The following NFIB variants were observed in gnomAD, a reference collection of about 807,000 sequenced individuals.
The protein encoded by NFIB is nuclear factor 1 B-type.
NFIB carries 11 observed loss-of-function variants against 61.5 expected under a neutral mutation model. The observed-to-expected ratio is 0.18, with a 90% confidence interval of 0.11 to 0.30. The LOEUF (loss-of-function observed/expected upper bound fraction) is 0.30, where lower values mean the gene tolerates loss of function less well. Among genes scored for constraint, NFIB ranks in the 10% least tolerant of loss-of-function variants. The pLI, the probability that NFIB is intolerant of heterozygous loss-of-function variation, is 1.00. For synonymous variants in NFIB, 260 were observed against 216.5 expected (o/e 1.20, Z -1.76); for missense variants, 471 against 608.9 (o/e 0.77, Z 2.38).
chr9:14,517,195 T>G, the NFIB span, among the ~76,000 whole-genome samples: 83 of 152,262 alleles, frequency 5.5e-4, no homozygotes, highest in Admixed American at 2.0e-3. Flanking sequence ...TAATCATCAC[T>G]CCAAGGCCCA....
intron 2 of NFIB, among the ~76,000 whole-genome samples, chr9:14,302,976 A>G (rs1341843476): frequency 1.3e-5 from 2 of 152,202 alleles, no homozygotes; most frequent in African/African-American, 4.8e-5. Flanking sequence ...TGATTTTCCC[A>G]GTGTACAAAA....
chr9:14,216,055 G>A (rs2050822123), intron 2 of NFIB, among the ~76,000 whole-genome samples: 1 of 152,068 alleles, frequency 6.6e-6, no homozygotes, highest in Non-Finnish European at 1.5e-5. Flanking sequence ...CAATTCTATT[G>A]CATACAGTAG....
At chr9:14,346,135 G>A (rs1481934818) in intron 1 of NFIB, among the ~76,000 whole-genome samples, 1 of 152,150 alleles carries the variant, frequency 6.6e-6, no homozygotes, top group Non-Finnish European at 1.5e-5. Flanking sequence ...GGGCGCGGGG[G>A]GCGCGTGGGG....
At chr9:14,244,536 T>C (rs1293054672) in intron 2 of NFIB, among the ~76,000 whole-genome samples, 1 of 152,160 alleles carries the variant, frequency 6.6e-6, no homozygotes, top group East Asian at 1.9e-4. Context: ...ATAACTTTAA[T>C]CTCCACAATC....
the NFIB span, among the ~76,000 whole-genome samples, chr9:14,478,691 T>G: frequency 2.8e-4 from 43 of 152,336 alleles, no homozygotes; most frequent in African/African-American, 1.0e-3. Flanking sequence ...TATTACTCCA[T>G]AGTGTATTAT....
chr9:14,417,035 T>C, the NFIB span, among the ~76,000 whole-genome samples: 1 of 150,904 alleles, frequency 6.6e-6, no homozygotes, highest in Non-Finnish European at 1.5e-5. Flanking sequence ...TGGGATTACA[T>C]GTGTGTGTCA....
At chr9:14,224,068 A>C (rs1235909879) in intron 2 of NFIB, among the ~76,000 whole-genome samples, 3 of 152,156 alleles carry the variant, frequency 2.0e-5, no homozygotes, top group Non-Finnish European at 4.4e-5. Context: ...CAAACAGTAA[A>C]ATGTCCCTCG....
chr9:14,414,127 C>G, the NFIB span, among the ~76,000 whole-genome samples: 1 of 152,112 alleles, frequency 6.6e-6, no homozygotes, highest in African/African-American at 2.4e-5. Context: ...TTCATAATCT[C>G]TAGACATAAT....
At chr9:14,266,503 G>C (rs2057211880) in intron 2 of NFIB, among the ~76,000 whole-genome samples, 1 of 152,066 alleles carries the variant, frequency 6.6e-6, no homozygotes. Flanking sequence ...GCTGAGGCAG[G>C]AGGATTTCAC....
At chr9:14,160,753 C>T (rs1261607851) in intron 3 of NFIB, among the ~76,000 whole-genome samples, 5 of 139,300 alleles carry the variant, frequency 3.6e-5, no homozygotes, top group South Asian at 4.7e-4. Context: ...AGGAAACTTT[C>T]ATCTTACAGA....
intron 2 of NFIB, among the ~76,000 whole-genome samples, chr9:14,274,373 C>T (rs1447707867): frequency 6.6e-6 from 1 of 151,858 alleles, no homozygotes; most frequent in African/African-American, 2.4e-5. Context: ...GGCAGCCGTG[C>T]CAAAATTACA....
intron 1 of NFIB, among the ~76,000 whole-genome samples, chr9:14,344,428 G>C (rs1293978736): frequency 6.6e-6 from 1 of 152,008 alleles, no homozygotes; most frequent in East Asian, 1.9e-4. Context: ...GGTAGAGGGA[G>C]TTGTTTGTTT....
In NFIB at chr9:14,232,107, T is replaced by A. The variant is rs138745202; in HGVS notation, c.563-52327A>T. ...TTTTGTTGTTGTTCTGTTTTTGATT[T>A]TTAATGAGTTAAAGGTGTAGCGAGG... On this transcript the variant is annotated intron_variant, in intron 2 of 10. Coordinates refer to ENST00000380953, the MANE Select transcript of NFIB (RefSeq NM_001190737.2). Among the ~76,000 whole-genome samples the A allele has an allele frequency of 2.5e-3, 385 of 152,322 alleles. 4 individuals are homozygous for A. The highest frequency in any genetic ancestry group is 4.1e-3 in the Non-Finnish European group (278 of 68,028).
the NFIB span, among the ~76,000 whole-genome samples, chr9:14,490,275 T>C: frequency 5.3e-5 from 8 of 152,122 alleles, no homozygotes; most frequent in South Asian, 1.2e-3. Flanking sequence ...TCTGGGATAA[T>C]TGATTATCTA....
the NFIB span, among the ~76,000 whole-genome samples, chr9:14,441,135 A>T: frequency 4.8e-5 from 1 of 20,752 alleles, no homozygotes; most frequent in African/African-American, 9.7e-5. Flanking sequence ...GAGTGGGTTC[A>T]AAAAAAAAAA....
At chr9:14,091,999 A>G (rs1368795789) in intron 10 of NFIB, among the ~76,000 whole-genome samples, 3 of 152,102 alleles carry the variant, frequency 2.0e-5, no homozygotes, top group South Asian at 2.1e-4. Context: ...AATGTATGAC[A>G]TGGCTCCCCC....
chr9:14,107,389 T>A (rs1587240086), intron 10 of NFIB, among the ~76,000 whole-genome samples: 1 of 152,078 alleles, frequency 6.6e-6, no homozygotes. Context: ...CTAGTGCCAA[T>A]TTCTGAAACC....
intron 2 of NFIB, among the ~76,000 whole-genome samples, chr9:14,274,292 G>C (rs1193337483): frequency 9.0e-5 from 2 of 22,196 alleles, no homozygotes; most frequent in African/African-American, 1.2e-4. Context: ...ACACACACAC[G>C]AAGACATCCA....
intron 6 of NFIB, among the ~76,000 whole-genome samples, chr9:14,139,176 T>C (rs2041413888): frequency 1.3e-5 from 2 of 152,170 alleles, no homozygotes; most frequent in South Asian, 2.1e-4. Flanking sequence ...TGAACAAAGA[T>C]CTAGGCTCTG....
Sources: gnomAD v4.1 joint callset for allele counts (sites outside exome capture counted in the v4.1 genomes callset) on GRCh38, gnomAD v4.1.1 for gene constraint, MANE v1.5 for transcripts, NCBI Gene and HGNC (gene_info 2026-07-23, HGNC 2026-07-21) for gene names.